The following ANO4 variants were observed in gnomAD, a reference collection of about 807,000 sequenced individuals.
ANO4 encodes the protein anoctamin-4.
Under a neutral mutation model 141.9 loss-of-function variants are expected in ANO4, and 69 were observed. That is an observed-to-expected ratio of 0.49 (90% CI 0.40 to 0.59). The LOEUF is 0.59. ANO4 is among the 20% of genes least tolerant of loss of function. The pLI is 0.00. For missense variants in ANO4, 894 were observed against 1,162.2 expected (o/e 0.77, Z 3.36); for synonymous variants, 350 against 394.3 (o/e 0.89, Z 1.33).
At chr12:100,910,760 G>T (rs985763807) in intron 2 of ANO4, among the ~76,000 whole-genome samples, 6 of 152,162 alleles carry the variant, frequency 3.9e-5, no homozygotes, top group Non-Finnish European at 8.8e-5. Context: ...TTATCTGTTA[G>T]ACCCATCATA....
intron 21 of ANO4, among the ~76,000 whole-genome samples, chr12:101,099,329 A>G (rs1332365246): frequency 6.6e-6 from 1 of 152,188 alleles, no homozygotes; most frequent in Non-Finnish European, 1.5e-5. Flanking sequence ...CTCATAGGCA[A>G]TGCCCAACAT....
intron 2 of ANO4, among the ~76,000 whole-genome samples, chr12:100,915,300 C>A (rs1173188545): frequency 6.6e-6 from 1 of 152,148 alleles, no homozygotes; most frequent in African/African-American, 2.4e-5. Context: ...TTTGAAATAT[C>A]ACTGCTACCT....
intron 8 of ANO4, among the ~76,000 whole-genome samples, chr12:100,989,324 G>T (rs191511123): frequency 1.3e-5 from 2 of 152,192 alleles, no homozygotes; most frequent in South Asian, 2.1e-4. Flanking sequence ...AAGCTGATAC[G>T]TTCCCATTCT....
intron 1 of ANO4, among the ~76,000 whole-genome samples, chr12:100,894,793 C>G (rs1026073956): frequency 6.6e-6 from 1 of 151,592 alleles, no homozygotes; most frequent in Non-Finnish European, 1.5e-5. Flanking sequence ...GGTGAAACCC[C>G]GTCTCTACTA....
intron 7 of ANO4, among the ~76,000 whole-genome samples, chr12:100,980,878 A>G (rs2044429002): frequency 6.6e-6 from 1 of 151,930 alleles, no homozygotes; most frequent in Non-Finnish European, 1.5e-5. Context: ...GGAATTTATC[A>G]TCTTTTGGCT....
intron 2 of ANO4, among the ~76,000 whole-genome samples, chr12:100,739,615 T>C (rs1409963490): frequency 1.3e-5 from 2 of 152,148 alleles, no homozygotes; most frequent in African/African-American, 4.8e-5. Flanking sequence ...CCTTTATTGA[T>C]TGGACTCTGA....
At chr12:100,868,828 T>G (rs1221533290) in intron 1 of ANO4, among the ~76,000 whole-genome samples, 1 of 152,222 alleles carries the variant, frequency 6.6e-6, no homozygotes, top group African/African-American at 2.4e-5. Context: ...TATTTTAGGC[T>G]TTGTGAGCCA....
intron 3 of ANO4, among the ~76,000 whole-genome samples, chr12:100,777,683 A>G (rs1192411276): frequency 6.6e-6 from 1 of 152,182 alleles, no homozygotes; most frequent in Non-Finnish European, 1.5e-5. Context: ...ATTGCTTGGA[A>G]TTCAGATTTA....
At chr12:101,073,273 G>C (rs778965861) in intron 14 of ANO4, among the ~76,000 whole-genome samples, 21 of 151,710 alleles carry the variant, frequency 1.4e-4, no homozygotes, top group Middle Eastern at 3.2e-3. Flanking sequence ...TCCTTTACAA[G>C]GACATGGATG....
chr12:101,060,159 GGTT>G (rs1226419465), intron 14 of ANO4, among the ~76,000 whole-genome samples: 1 of 152,212 alleles, frequency 6.6e-6, no homozygotes, highest in Non-Finnish European at 1.5e-5. Context: ...TTCAGGAGCA[GGTT>G]GTTCAGTTTC....
intron 1 of ANO4, among the ~76,000 whole-genome samples, chr12:100,723,218 T>C (rs1358316893): frequency 6.6e-6 from 1 of 152,212 alleles, no homozygotes; most frequent in Non-Finnish European, 1.5e-5. Flanking sequence ...AACGTTATGT[T>C]TTTTTGTAAC....
In ANO4 at chr12:100,732,003, A is replaced by G. The variant is rs1475959707; in HGVS notation, c.23-1771A>G. On this transcript the variant is annotated intron_variant, in intron 1 of 29. Coordinates refer to the ANO4 transcript ENST00000644049. Reference sequence around the variant, plus strand: ...TCCTCTACGGAAGGACATCTTGGTTACTTCCAAGTTATAGCAATTATGAAT... The same window carrying G: ...TCCTCTACGGAAGGACATCTTGGTTGCTTCCAAGTTATAGCAATTATGAAT... 2.6e-5 allele frequency among the ~76,000 whole-genome samples: 4 copies of G among 152,212 alleles called. No homozygotes were observed. The South Asian group carries it at 6.2e-4, about 24-fold the overall frequency.
At chr12:100,768,627 C>T (rs531612823) in intron 3 of ANO4, among the ~76,000 whole-genome samples, 34 of 152,252 alleles carry the variant, frequency 2.2e-4, no homozygotes, top group African/African-American at 7.0e-4. Context: ...CACAGTGCCC[C>T]TACATAGTAA....
In ANO4 at chr12:100,750,207, T is replaced by A. The variant is rs549089612; in HGVS notation, c.358+10102T>A. Among the ~76,000 whole-genome samples the A allele has an allele frequency of 3.3e-5, 5 of 152,074 alleles. No homozygotes were observed. In the South Asian group the frequency reaches 1.0e-3, roughly 32 times the overall value. Reference sequence around the variant, plus strand: ...TGTAGTGCAGTGGCATGATCTTGGCTCACTGCAACTTCTGCCTCCTGGATT... The same window carrying A: ...TGTAGTGCAGTGGCATGATCTTGGCACACTGCAACTTCTGCCTCCTGGATT... On this transcript the variant is annotated intron_variant, in intron 3 of 29. Coordinates refer to the ANO4 transcript ENST00000644049.
chr12:100,928,186 G>A (rs894631987), intron 3 of ANO4, among the ~76,000 whole-genome samples: 1 of 151,990 alleles, frequency 6.6e-6, no homozygotes, highest in Admixed American at 6.6e-5. Flanking sequence ...AGCGGGGCCG[G>A]GGGGGCTGGC....
At chr12:100,870,238 A>C (rs1218635851) in intron 1 of ANO4, among the ~76,000 whole-genome samples, 1 of 152,208 alleles carries the variant, frequency 6.6e-6, no homozygotes, top group African/African-American at 2.4e-5. Flanking sequence ...TTCCTCTAAT[A>C]TTTTGTGCAG....
chr12:100,760,920 A>G (rs528625131), intron 3 of ANO4, among the ~76,000 whole-genome samples: 2 of 152,110 alleles, frequency 1.3e-5, no homozygotes, highest in Non-Finnish European at 2.9e-5. Context: ...TTTCTGGGTA[A>G]AGAGAGACTC....
At chr12:101,127,162 C>T in intron 27 of ANO4, 88 bp downstream of exon 27, 1 of 1,273,350 alleles carries the variant, frequency 7.9e-7, no homozygotes, top group Non-Finnish European at 1.1e-6. Context: ...ACCATTGTTG[C>T]AGTAACAGGG....
chr12:101,029,229 A>T (rs1014400533), intron 9 of ANO4, among the ~76,000 whole-genome samples: 2 of 152,176 alleles, frequency 1.3e-5, no homozygotes, highest in Admixed American at 6.6e-5. Context: ...GCAAAAATAC[A>T]CCAAAATATA....
Sources: gnomAD v4.1 joint callset for allele counts (sites outside exome capture counted in the v4.1 genomes callset) on GRCh38, gnomAD v4.1.1 for gene constraint, MANE v1.5 for transcripts, NCBI Gene and HGNC (gene_info 2026-07-23, HGNC 2026-07-21) for gene names.